Variants in AKAP6 observed in about 807,000 individuals in gnomAD.
The protein encoded by AKAP6 is A-kinase anchor protein 6.
A neutral mutation model predicts 188.5 loss-of-function variants in AKAP6; 58 were observed. The ratio of observed to expected loss-of-function variants is 0.31; its 90% CI spans 0.25 to 0.38. The LOEUF (loss-of-function observed/expected upper bound fraction) is 0.38, where lower values mean the gene tolerates loss of function less well. Among genes scored for constraint, AKAP6 ranks in the 10% least tolerant of loss-of-function variants. The pLI is 1.00. For missense variants in AKAP6, 2,710 were observed against 2,740.0 expected (o/e 0.99, Z 0.24); for synonymous variants, 989 against 998.6 (o/e 0.99, Z 0.18).
Position 32,451,486 on chromosome 14 carries a change from G to A in AKAP6, c.324+17669G>A, listed in dbSNP as rs1951190. On this transcript the variant is annotated intron_variant, in intron 2 of 13. Coordinates refer to ENST00000280979, the MANE Select transcript of AKAP6 (RefSeq NM_004274.5). ...CTAGGAAACTTGCCAAATTAGCATAGTTATGCCAAAGTACAGAAACTATGT... is the reference window on the plus strand; with the variant it reads ...CTAGGAAACTTGCCAAATTAGCATAATTATGCCAAAGTACAGAAACTATGT... Among the ~76,000 whole-genome samples the A allele has an allele frequency of 1.2e-3, 184 of 152,204 alleles. 5 individuals carry two copies. In the East Asian group the frequency reaches 0.03, roughly 25 times the overall value.
At chr14:32,767,030 C>G (rs2032740499) in intron 11 of AKAP6, among the ~76,000 whole-genome samples, 1 of 152,054 alleles carries the variant, frequency 6.6e-6, no homozygotes, top group Non-Finnish European at 1.5e-5. Context: ...ATGTGGATAT[C>G]CAGTTGTCTC....
At chr14:32,669,864 A>C (rs549463750) in intron 7 of AKAP6, among the ~76,000 whole-genome samples, 1 of 152,280 alleles carries the variant, frequency 6.6e-6, no homozygotes, top group South Asian at 2.1e-4. Context: ...TGGGAGGCTG[A>C]GATGGGCAGA....
At chr14:32,408,275 G>A (rs184062042) in intron 1 of AKAP6, among the ~76,000 whole-genome samples, 97 of 152,146 alleles carry the variant, frequency 6.4e-4, no homozygotes, top group Admixed American at 2.4e-3. Flanking sequence ...TCTGCTGAGG[G>A]ATAATAAAAA....
At chr14:32,585,492 ATGTGTGTG>A (rs1555342354) in intron 5 of AKAP6, among the ~76,000 whole-genome samples, 23 of 150,846 alleles carry the variant, frequency 1.5e-4, no homozygotes, top group Admixed American at 7.2e-4. Context: ...AACTATATAT[ATGTGTGTG>A]TGTGTGTGTG....
At position 32,501,883 on chromosome 14, in the gene AKAP6, G is replaced by A. The variant is rs74416983; in HGVS notation, c.325-33671G>A. On this transcript the variant is annotated intron_variant, in intron 2 of 13. Coordinates refer to ENST00000280979, the MANE Select transcript of AKAP6 (RefSeq NM_004274.5). ...TTTATCACATTGGCTCTCCTAGGCTGTACTCTGACTTAATGACAGTATCCT... is the reference window on the plus strand; with the variant it reads ...TTTATCACATTGGCTCTCCTAGGCTATACTCTGACTTAATGACAGTATCCT... Among the ~76,000 whole-genome samples, 1,421 of 152,198 alleles carry A rather than the reference G, an allele frequency of 9.3e-3. 28 individuals carry two copies. The highest frequency in any genetic ancestry group is 0.032 in the African/African-American group (1,320 of 41,518).
At chr14:32,411,563 T>A (rs1889482901) in intron 1 of AKAP6, among the ~76,000 whole-genome samples, 1 of 152,238 alleles carries the variant, frequency 6.6e-6, no homozygotes, top group Non-Finnish European at 1.5e-5. Context: ...GTTCTTAAAT[T>A]GGCTTCCAGG....
At chr14:32,748,121 C>T (rs181199866) in intron 11 of AKAP6, among the ~76,000 whole-genome samples, 1 of 152,320 alleles carries the variant, frequency 6.6e-6, no homozygotes, top group Non-Finnish European at 1.5e-5. Context: ...TTAAATGTAA[C>T]TTTCTTTGTT....
At chr14:32,825,308 T>A (rs562163024) in intron 13 of AKAP6, among the ~76,000 whole-genome samples, 2 of 152,282 alleles carry the variant, frequency 1.3e-5, no homozygotes, top group East Asian at 3.9e-4. Flanking sequence ...GTAACTATCG[T>A]CACATTTGCT....
intron 7 of AKAP6, among the ~76,000 whole-genome samples, chr14:32,662,841 G>A (rs1468845464): frequency 6.6e-6 from 1 of 151,964 alleles, no homozygotes; most frequent in Non-Finnish European, 1.5e-5. Context: ...CTTTAGGGGT[G>A]GTAAAATGAT....
intron 1 of AKAP6, among the ~76,000 whole-genome samples, chr14:32,335,512 G>A (rs543634293): frequency 6.6e-6 from 1 of 152,248 alleles, no homozygotes; most frequent in South Asian, 2.1e-4. Flanking sequence ...ACAACCCAGA[G>A]CAAGGCCCTT....
Position 32,568,750 on chromosome 14 carries a change from T to C in AKAP6, c.2347-8370T>C, listed in dbSNP as rs9671614. ...TGTCTGTGCTTCAGTTTCCTCACTA[T>C]AAAATGGAGAGTGCAGTAATATTGT... On this transcript the variant is annotated intron_variant, in intron 4 of 13. Transcript: ENST00000280979. This position sits in a 1 kb window ranked among gnomAD's most constrained non-coding sequence, Gnocchi z 6.2. Among the ~76,000 whole-genome samples, 75,118 of 151,992 alleles carry C rather than the reference T, an allele frequency of 0.49. 19,648 individuals are homozygous for C. The highest frequency in any genetic ancestry group is 0.68 in the African/African-American group (28,160 of 41,452).
intron 3 of AKAP6, among the ~76,000 whole-genome samples, chr14:32,536,107 ACACT>A (rs1356245086): frequency 2.4e-4 from 37 of 152,340 alleles, no homozygotes; most frequent in Admixed American, 1.3e-3. Context: ...TATGTGTCAG[ACACT>A]CAGTGCTAAG....
At chr14:32,339,136 G>A (rs1177369224) in intron 1 of AKAP6, among the ~76,000 whole-genome samples, 1 of 152,136 alleles carries the variant, frequency 6.6e-6, no homozygotes, top group Non-Finnish European at 1.5e-5. Context: ...TAAGGGCAGA[G>A]ATTTTTGTCT....
chr14:32,591,106 T>C (rs953018523), intron 5 of AKAP6, among the ~76,000 whole-genome samples: 3 of 152,216 alleles, frequency 2.0e-5, no homozygotes, highest in Non-Finnish European at 4.4e-5. Context: ...TATATCAATC[T>C]ATCACTCTTG....
chr14:32,569,440 AT>A, intron 4 of AKAP6, among the ~76,000 whole-genome samples: 1 of 152,116 alleles, frequency 6.6e-6, no homozygotes, highest in Non-Finnish European at 1.5e-5. Flanking sequence ...ACTGTGTTGG[AT>A]TTTCTAGGTA....
chr14:32,643,331 G>A (rs1388136605), intron 7 of AKAP6, among the ~76,000 whole-genome samples: 3 of 148,820 alleles, frequency 2.0e-5, no homozygotes, highest in African/African-American at 5.0e-5. Context: ...TTTTTTAGAC[G>A]GAGTCTCACT....
At chr14:32,436,984 G>A (rs1446967249) in intron 2 of AKAP6, among the ~76,000 whole-genome samples, 1 of 152,052 alleles carries the variant, frequency 6.6e-6, no homozygotes, top group Non-Finnish European at 1.5e-5. Flanking sequence ...CTTCCTATTG[G>A]ACTTACAATA....
chr14:32,571,986 T>G (rs774023527), intron 4 of AKAP6, among the ~76,000 whole-genome samples: 7 of 152,208 alleles, frequency 4.6e-5, no homozygotes, highest in Non-Finnish European at 1.0e-4. Context: ...CAAATTCTGT[T>G]TTAGAAAAAA....
At chr14:32,589,539 G>A (rs773759583) in intron 5 of AKAP6, among the ~76,000 whole-genome samples, 25 of 152,174 alleles carry the variant, frequency 1.6e-4, no homozygotes, top group Non-Finnish European at 2.9e-4. Flanking sequence ...CTCTAATTTT[G>A]TGCATCTAGA....
Sources: gnomAD v4.1 joint callset for allele counts (sites outside exome capture counted in the v4.1 genomes callset) on GRCh38, gnomAD v4.1.1 for gene constraint, Gnocchi (gnomAD v3.1) non-coding constraint, MANE v1.5 for transcripts, NCBI Gene and HGNC (gene_info 2026-07-23, HGNC 2026-07-21) for gene names.